Variants in CHMP7 observed in about 807,000 individuals in gnomAD.
CHMP7 encodes the protein CHMP family, member 7.
Under a neutral mutation model 53.7 loss-of-function variants are expected in CHMP7, and 15 were observed. The ratio of observed to expected loss-of-function variants is 0.28; its 90% CI spans 0.19 to 0.43. The LOEUF (loss-of-function observed/expected upper bound fraction) is 0.43, where lower values mean the gene tolerates loss of function less well. Among genes scored for constraint, CHMP7 ranks in the 20% least tolerant of loss-of-function variants. The pLI is 1.00. For missense variants in CHMP7, 527 were observed against 569.4 expected, an observed-to-expected ratio of 0.93 and a Z score of 0.76; for synonymous variants, 261 against 228.0, an observed-to-expected ratio of 1.14 and a Z score of -1.30.
At chr8:23,254,039 T>C (rs1802031664) in intron 3 of CHMP7, among the ~76,000 whole-genome samples, 1 of 151,896 alleles carries the variant, frequency 6.6e-6, no homozygotes, top group African/African-American at 2.4e-5. Context: ...AATATAGGAG[T>C]GCTTCTCCTC....
At chr8:23,259,322 CTAT>C (rs1802286863) in intron 9 of CHMP7, among the ~76,000 whole-genome samples, 196 bp downstream of exon 9, 9 of 149,820 alleles carry the variant, frequency 6.0e-5, no homozygotes, top group Admixed American at 1.3e-4. Context: ...GCGCCTGCCA[CTAT>C]GCCCGGCTAA....
chr8:23,259,280 T>A (rs895395191), intron 9 of CHMP7, among the ~76,000 whole-genome samples, 154 bp downstream of exon 9: 1 of 146,330 alleles, frequency 6.8e-6, no homozygotes, highest in Admixed American at 6.8e-5. Context: ...GCCATTCTCC[T>A]GCCTCAGCCT....
chr8:23,257,325 G>A (rs923538965), intron 5 of CHMP7, among the ~76,000 whole-genome samples: 6 of 150,862 alleles, frequency 4.0e-5, no homozygotes, highest in African/African-American at 9.8e-5. Context: ...CACACTCCTC[G>A]GCGCAAACAA....
At position 23,260,217 on chromosome 8, in the gene CHMP7, G is replaced by A; in HGVS notation, c.1194G>A (p.Leu398=). ...ATACCACCAAAGAACCTTTGGATCTGCCTGACAACCCCCGCAATAGGCATT... is the reference window on the plus strand; with the variant it reads ...ATACCACCAAAGAACCTTTGGATCTACCTGACAACCCCCGCAATAGGCATT... ...LQDTTKEPLD[L]PDNPRNRHFT... is the part of the protein sequence containing the mutation. The change falls in exon 10 of 11, where the codon CTG becomes CTA. Residue 398 remains leucine (L), a synonymous_variant. Transcript: ENST00000397677. 1.9e-6 allele frequency: 3 copies of A among 1,614,156 alleles called. No homozygotes were observed. Among genetic ancestry groups the A allele is most frequent in the Non-Finnish European group, 2.5e-6 (3 of 1,180,010 alleles).
intron 6 of CHMP7, 98 bp downstream of exon 6, chr8:23,258,179 G>C: frequency 1.4e-6 from 2 of 1,431,352 alleles, no homozygotes; most frequent in Non-Finnish European, 2.0e-6. Context: ...TTTTGAGGGG[G>C]GTAGAGTCTG....
chr8:23,248,663 T>C (rs1042297389), intron 2 of CHMP7, among the ~76,000 whole-genome samples: 1 of 152,220 alleles, frequency 6.6e-6, no homozygotes, highest in African/African-American at 2.4e-5. Flanking sequence ...GCGTAGTGAC[T>C]GGCCCGCGGC....
intron 1 of CHMP7, chr8:23,245,986 G>A (rs1279641813): frequency 2.0e-5 from 3 of 152,036 alleles, no homozygotes; most frequent in Admixed American, 6.6e-5. Flanking sequence ...CTGATATTGA[G>A]TATTTGTTTT....
At position 23,247,012 on chromosome 8, in the gene CHMP7, G is replaced by GC; in HGVS notation, c.299+20dup. Reference sequence around the variant, plus strand: ...CTGCTGCGGTGAGGGGCGGGCTGGGGCCAGGGCCGCGAGGGCGGGCGGGGG... The same window carrying GC: ...CTGCTGCGGTGAGGGGCGGGCTGGGGCCCAGGGCCGCGAGGGCGGGCGGGGG... On this transcript the variant is annotated intron_variant, in intron 2 of 10. Coordinates refer to ENST00000397677, the MANE Select transcript of CHMP7 (RefSeq NM_152272.5). 6.7e-7 allele frequency: 1 copy of GC among 1,493,794 alleles called. No homozygotes were observed. Among genetic ancestry groups the GC allele is most frequent in the Non-Finnish European group, 8.9e-7 (1 of 1,128,798 alleles). The allele number at this position is 1,493,794 out of a possible 1,614,324, so 92.5% of individuals were successfully genotyped here.
intron 4 of CHMP7, among the ~76,000 whole-genome samples, chr8:23,256,161 A>C (rs1802116887): frequency 6.6e-6 from 1 of 152,224 alleles, no homozygotes; most frequent in African/African-American, 2.4e-5. Flanking sequence ...TGAAAAGGTA[A>C]AAGTTCTGGA....
At chr8:23,252,886 T>C (rs149372389) in intron 3 of CHMP7, among the ~76,000 whole-genome samples, 2 of 152,374 alleles carry the variant, frequency 1.3e-5, no homozygotes, top group East Asian at 3.9e-4. Flanking sequence ...GTGTGGTTAC[T>C]GTGCAGTTAC....
intron 9 of CHMP7, 58 bp from the exon 10 acceptor site, chr8:23,260,086 C>G: frequency 1.4e-6 from 2 of 1,437,940 alleles, no homozygotes; most frequent in Non-Finnish European, 2.0e-6. Flanking sequence ...CAGTCCTGTA[C>G]TCATTAATGC....
chr8:23,244,160 T>C (rs1202553849), intron 1 of CHMP7, among the ~76,000 whole-genome samples: 4 of 152,196 alleles, frequency 2.6e-5, no homozygotes, highest in Admixed American at 1.3e-4. Context: ...AATAATTACG[T>C]CTAATTTATC....
chr8:23,256,854 G>A (rs1278759365), intron 5 of CHMP7, among the ~76,000 whole-genome samples: 1 of 144,186 alleles, frequency 6.9e-6, no homozygotes, highest in Non-Finnish European at 1.5e-5. Flanking sequence ...GTGCAGTGGT[G>A]CGATCTCGGC....
At position 23,256,950 on chromosome 8, in the gene CHMP7, G is replaced by T. The variant is rs540271535; in HGVS notation, c.791+357G>T. ...TGGTACTACAGCCACCCGCCACCAC[G>T]CCTGGCGAATTTTTTATATTTCTAG... On this transcript the variant is annotated intron_variant, in intron 5 of 10. Coordinates refer to ENST00000397677, the MANE Select transcript of CHMP7 (RefSeq NM_152272.5). 1.7e-4 allele frequency among the ~76,000 whole-genome samples: 26 copies of T among 151,900 alleles called. No homozygotes were observed. The South Asian group carries it at 3.3e-3, about 19-fold the overall frequency.
At position 23,243,794 on chromosome 8, in the gene CHMP7, C is replaced by T. The variant is rs1801601411; in HGVS notation, c.-491C>T. ...ATGAGAGTTCCTGTTGCTCTGCATCCTCACCAGCATTTGGTGTGGTCAGTA... is the reference window on the plus strand; with the variant it reads ...ATGAGAGTTCCTGTTGCTCTGCATCTTCACCAGCATTTGGTGTGGTCAGTA... On this transcript the variant is annotated 5_prime_UTR_variant, in exon 1 of 11. Transcript: ENST00000397677. 6.4e-6 allele frequency: 1 copy of T among 157,064 alleles called. No individual in the cohort carries two copies. Among genetic ancestry groups the T allele is most frequent in the Non-Finnish European group, 1.4e-5 (1 of 71,810 alleles). 9.7% of individuals were successfully genotyped at this position (157,064 alleles called of 1,614,324 possible).
chr8:23,250,709 A>G (rs1801893358), intron 3 of CHMP7, among the ~76,000 whole-genome samples: 1 of 150,636 alleles, frequency 6.6e-6, no homozygotes, highest in African/African-American at 2.5e-5. Context: ...GAGAATAGTT[A>G]TTTTTGAAAT....
At chr8:23,247,212 G>A (rs574722393) in intron 2 of CHMP7, among the ~76,000 whole-genome samples, 3 of 152,254 alleles carry the variant, frequency 2.0e-5, no homozygotes, top group East Asian at 3.9e-4. Context: ...GGGAAGATTG[G>A]GGGGCGGGGA....
At chr8:23,249,624 T>A (rs1202496378) in intron 3 of CHMP7, among the ~76,000 whole-genome samples, 1 of 152,226 alleles carries the variant, frequency 6.6e-6, no homozygotes, top group Admixed American at 6.5e-5. Flanking sequence ...TTTTCTAGTA[T>A]CTGTAGGGAT....
chr8:23,257,167 T>C (rs376736235), intron 5 of CHMP7, among the ~76,000 whole-genome samples: 14 of 150,912 alleles, frequency 9.3e-5, no homozygotes, highest in African/African-American at 3.4e-4. Flanking sequence ...GACATGATCT[T>C]AGCTCACTGC....
Sources: allele counts gnomAD v4.1 joint callset (sites outside exome capture counted in the v4.1 genomes callset), GRCh38; gene constraint gnomAD v4.1.1; transcripts MANE v1.5; gene names NCBI Gene and HGNC (gene_info 2026-07-23, HGNC 2026-07-21).